Variants in MARCHF1 observed in about 807,000 individuals in gnomAD.
MARCHF1 encodes the protein E3 ubiquitin-protein ligase MARCHF1.
A neutral mutation model predicts 54.2 loss-of-function variants in MARCHF1; 40 were observed. The ratio of observed to expected loss-of-function variants is 0.74; its 90% CI spans 0.57 to 0.96. The LOEUF (loss-of-function observed/expected upper bound fraction) is 0.96, where lower values mean the gene tolerates loss of function less well. Ranked by LOEUF, MARCHF1 falls within the 40% of genes least tolerant of loss-of-function variation. MARCHF1 has a pLI of 0.00. For synonymous variants in MARCHF1, 236 were observed against 236.3 expected, an observed-to-expected ratio of 1.00 and a Z score of 0.01; for missense variants, 586 against 656.5, an observed-to-expected ratio of 0.89 and a Z score of 1.17.
chr4:163,814,395 T>G (rs991548489), intron 4 of MARCHF1, among the ~76,000 whole-genome samples: 3 of 152,106 alleles, frequency 2.0e-5, no homozygotes, highest in African/African-American at 7.2e-5. Context: ...CCCCAACACA[T>G]GGTGAAACCT....
intron 1 of MARCHF1, among the ~76,000 whole-genome samples, chr4:164,278,754 C>A (rs1030846249): frequency 6.6e-6 from 1 of 152,050 alleles, no homozygotes; most frequent in Non-Finnish European, 1.5e-5. Flanking sequence ...GGATTAATTC[C>A]TTTTAGAAGT....
At chr4:164,368,578 T>C (rs983729504) in intron 1 of MARCHF1, among the ~76,000 whole-genome samples, 1 of 152,182 alleles carries the variant, frequency 6.6e-6, no homozygotes, top group Non-Finnish European at 1.5e-5. Flanking sequence ...ATTTCATTTC[T>C]TGATATAGCT....
chr4:164,351,034 C>A (rs561530104), intron 1 of MARCHF1, among the ~76,000 whole-genome samples: 73 of 152,158 alleles, frequency 4.8e-4, no homozygotes, highest in South Asian at 4.1e-3. Flanking sequence ...TACTCCCACC[C>A]GAATACTGCG....
At chr4:163,713,111 A>C (rs1311855030) in intron 4 of MARCHF1, among the ~76,000 whole-genome samples, 1 of 152,170 alleles carries the variant, frequency 6.6e-6, no homozygotes, top group East Asian at 1.9e-4. Flanking sequence ...AAAACAAAAA[A>C]AATCAAATTT....
chr4:164,026,953 T>C (rs928803705), intron 2 of MARCHF1, among the ~76,000 whole-genome samples: 4 of 151,960 alleles, frequency 2.6e-5, no homozygotes, highest in Non-Finnish European at 5.9e-5. Flanking sequence ...ATGGTCAAGC[T>C]GAGAGTCAAA....
At chr4:164,351,576 A>T (rs1461301360) in intron 1 of MARCHF1, among the ~76,000 whole-genome samples, 27 of 152,274 alleles carry the variant, frequency 1.8e-4, no homozygotes, top group Non-Finnish European at 3.2e-4. Flanking sequence ...GAAAACTAAC[A>T]AACAGAAAGG....
intron 1 of MARCHF1, among the ~76,000 whole-genome samples, chr4:164,191,097 A>G (rs1731112397): frequency 6.6e-6 from 1 of 152,214 alleles, no homozygotes; most frequent in Admixed American, 6.5e-5. Flanking sequence ...TCTGACAGTG[A>G]TTGGATCATA....
intron 3 of MARCHF1, among the ~76,000 whole-genome samples, chr4:163,957,948 A>T (rs1752263995): frequency 6.6e-6 from 1 of 152,048 alleles, no homozygotes; most frequent in African/African-American, 2.4e-5. Flanking sequence ...AAAGTCTTTT[A>T]AAAAATGAAT....
intron 8 of MARCHF1, among the ~76,000 whole-genome samples, chr4:163,562,679 T>C (rs935429076): frequency 6.6e-6 from 1 of 152,168 alleles, no homozygotes; most frequent in East Asian, 1.9e-4. Context: ...CTCACACTTC[T>C]GTCAGTCCAG....
intron 1 of MARCHF1, among the ~76,000 whole-genome samples, chr4:164,142,053 G>C (rs916173217): frequency 6.6e-6 from 1 of 152,164 alleles, no homozygotes; most frequent in Admixed American, 6.5e-5. Flanking sequence ...TCAAAGAAAG[G>C]GGTGACAGAC....
In MARCHF1 at chr4:163,612,696, A is replaced by T; in HGVS notation, c.585T>A (p.Cys195Ter). The part of the protein sequence containing the change: ...RRRRRNNNKP[C>*]ENLAGSSTPN... ...GAGTGGAAGACCCAGCTAAGTTTTCACACGGCTTATTATTATTTCTCCTCC... is the reference window on the plus strand; with the variant it reads ...GAGTGGAAGACCCAGCTAAGTTTTCTCACGGCTTATTATTATTTCTCCTCC... The change falls in exon 7 of 10, where the codon TGT becomes TGA. Residue 195 changes from cysteine (C) to a stop codon, truncating the protein, a stop_gained. Transcript: ENST00000514618. LOFTEE classifies it high-confidence loss of function. 1 of 1,535,566 alleles carries T rather than the reference A, an allele frequency of 6.5e-7. No homozygotes were observed. Among genetic ancestry groups the T allele is most frequent in the East Asian group, 2.4e-5 (1 of 40,882 alleles).
At chr4:164,222,281 T>C (rs1019635213) in intron 1 of MARCHF1, among the ~76,000 whole-genome samples, 4 of 151,950 alleles carry the variant, frequency 2.6e-5, no homozygotes, top group Non-Finnish European at 5.9e-5. Flanking sequence ...GTCTTTTTTA[T>C]CCTTCTGCTT....
At chr4:163,760,756 T>C (rs1319818875) in intron 4 of MARCHF1, among the ~76,000 whole-genome samples, 2 of 152,178 alleles carry the variant, frequency 1.3e-5, no homozygotes, top group African/African-American at 2.4e-5. Context: ...TTCCCTGCGC[T>C]CTTATTTTAT....
intron 2 of MARCHF1, among the ~76,000 whole-genome samples, chr4:164,080,316 T>C (rs1280203254): frequency 6.6e-6 from 1 of 152,216 alleles, no homozygotes; most frequent in African/African-American, 2.4e-5. Flanking sequence ...CTGCTCAAGA[T>C]GCAAAATAAT....
At chr4:163,565,451 A>G (rs1403825232) in intron 8 of MARCHF1, among the ~76,000 whole-genome samples, 1 of 152,250 alleles carries the variant, frequency 6.6e-6, no homozygotes, top group Non-Finnish European at 1.5e-5. Context: ...AGTTGCATCA[A>G]GAAATCCATG....
In MARCHF1 at chr4:163,525,035, A is replaced by G. The variant is rs1317994350; in HGVS notation, c.*3713T>C. The G allele has an allele frequency of 6.6e-6, 1 of 152,050 alleles. No homozygotes were observed. Among genetic ancestry groups the G allele is most frequent in the Non-Finnish European group, 1.5e-5 (1 of 68,022 alleles). The allele number at this position is 152,050 out of a possible 1,614,324, so 9.4% of individuals were successfully genotyped here. A position where few individuals can be genotyped will look rare whatever the true frequency, so the allele number is the denominator to read the frequency against. On this transcript the variant is annotated 3_prime_UTR_variant, in exon 10 of 10. Coordinates refer to ENST00000514618, the MANE Select transcript of MARCHF1 (RefSeq NM_001394959.1). ...AATAGCACCATTGGGCTGACTTAGGAAAGAAAAAAGGTTTTCATCTTTCTT... is the reference window on the plus strand; with the variant it reads ...AATAGCACCATTGGGCTGACTTAGGGAAGAAAAAAGGTTTTCATCTTTCTT...
At chr4:163,973,206 T>G (rs542253242) in intron 3 of MARCHF1, among the ~76,000 whole-genome samples, 4 of 152,230 alleles carry the variant, frequency 2.6e-5, no homozygotes, top group Non-Finnish European at 5.9e-5. Flanking sequence ...TCTGTTGCTG[T>G]ATAACAAACA....
At chr4:164,129,797 G>A (rs909718273) in intron 1 of MARCHF1, among the ~76,000 whole-genome samples, 11 of 151,994 alleles carry the variant, frequency 7.2e-5, no homozygotes, top group African/African-American at 2.7e-4. Flanking sequence ...TGTGGTTGGG[G>A]GAGGGAGAGC....
At chr4:163,668,314 T>C (rs1226485333) in intron 5 of MARCHF1, among the ~76,000 whole-genome samples, 1 of 152,044 alleles carries the variant, frequency 6.6e-6, no homozygotes, top group Non-Finnish European at 1.5e-5. Flanking sequence ...TAAGTGCCAA[T>C]AAAGAAAATG....
Sources: gnomAD v4.1 joint callset for allele counts (sites outside exome capture counted in the v4.1 genomes callset) on GRCh38, gnomAD v4.1.1 for gene constraint, MANE v1.5 for transcripts, NCBI Gene and HGNC (gene_info 2026-07-23, HGNC 2026-07-21) for gene names.